Variants in DUSP10 observed in about 807,000 individuals in gnomAD.
DUSP10 encodes dual specificity protein phosphatase 10.
Under a neutral mutation model 30.8 loss-of-function variants are expected in DUSP10, and 14 were observed. The ratio of observed to expected loss-of-function variants is 0.46; its 90% CI spans 0.30 to 0.71. The LOEUF (loss-of-function observed/expected upper bound fraction) is 0.71, where lower values mean the gene tolerates loss of function less well. Among genes scored for constraint, DUSP10 ranks in the 30% least tolerant of loss-of-function variants. DUSP10 has a pLI of 0.08. For synonymous variants in DUSP10, 254 were observed against 250.4 expected (o/e 1.01, Z -0.14); for missense variants, 550 against 619.4 (o/e 0.89, Z 1.19).
intron 2 of DUSP10, among the ~76,000 whole-genome samples, chr1:221,730,668 G>A (rs1661562220): frequency 6.6e-6 from 1 of 152,138 alleles, no homozygotes; most frequent in Admixed American, 6.5e-5. Flanking sequence ...ATAGGTAAGA[G>A]CCTTTATCTT....
intron 2 of DUSP10, among the ~76,000 whole-genome samples, chr1:221,723,386 C>T (rs540693464): frequency 1.3e-5 from 2 of 152,336 alleles, no homozygotes; most frequent in East Asian, 1.9e-4. Flanking sequence ...CTAATACATA[C>T]ATCCAAATAA....
At chr1:221,737,124 C>G (rs1661798895) in intron 2 of DUSP10, 1 of 985,338 alleles carries the variant, frequency 1.0e-6, no homozygotes, top group Non-Finnish European at 1.2e-6. Context: ...ATCCACAACT[C>G]CACCCACTGC....
At chr1:221,726,255 T>C (rs572394013) in intron 2 of DUSP10, among the ~76,000 whole-genome samples, 76 of 151,916 alleles carry the variant, frequency 5.0e-4, no homozygotes, top group African/African-American at 1.6e-3. Flanking sequence ...AAATGGGGAG[T>C]GCAGTTGGGT....
Position 221,706,148 on chromosome 1 carries a change from T to G in DUSP10, c.1130A>C (p.Asp377Ala). ...CTGCCGCAGGTTCTGCTTGTTGCTG[T>G]CAGTGGCTGGCAGCCGCTTGTAGTT... The part of the protein sequence containing the change: ...LFNYKRLPAT[D>A]SNKQNLRQYF... Residue 377 changes from aspartate (D) to alanine (A), a missense_variant, in exon 3 of 4, where the codon GAC becomes GCC. Coordinates refer to ENST00000366899, the MANE Select transcript of DUSP10 (RefSeq NM_007207.6). The surrounding 1 kb of genome is among the most constrained non-coding windows in gnomAD (Gnocchi z 4.6). The G allele has an allele frequency of 6.2e-7, 1 of 1,614,152 alleles. No homozygotes were observed. The highest frequency in any genetic ancestry group is 8.5e-7 in the Non-Finnish European group (1 of 1,180,012).
At chr1:221,722,982 G>T (rs1294065961) in intron 2 of DUSP10, among the ~76,000 whole-genome samples, 5 of 152,132 alleles carry the variant, frequency 3.3e-5, no homozygotes, top group Non-Finnish European at 7.4e-5. Flanking sequence ...TTCCAGACAA[G>T]GCAAATGATT....
At chr1:221,727,556 C>A (rs1053553748) in intron 2 of DUSP10, among the ~76,000 whole-genome samples, 4 of 152,194 alleles carry the variant, frequency 2.6e-5, no homozygotes, top group Non-Finnish European at 5.9e-5. Flanking sequence ...TCTTTCCTTT[C>A]TAATTCAACA....
At chr1:221,740,184 G>C (rs1661908233) in intron 1 of DUSP10, among the ~76,000 whole-genome samples, 1 of 152,196 alleles carries the variant, frequency 6.6e-6, no homozygotes, top group Admixed American at 6.5e-5. Context: ...AAACATCTGA[G>C]AAAGACCCAT....
At chr1:221,728,775 C>T (rs933696193) in intron 2 of DUSP10, among the ~76,000 whole-genome samples, 6 of 152,190 alleles carry the variant, frequency 3.9e-5, no homozygotes, top group Non-Finnish European at 7.4e-5. Context: ...TCATACTCGT[C>T]ACAGATTCTT....
chr1:221,740,430 A>G (rs1010677496), intron 1 of DUSP10, among the ~76,000 whole-genome samples: 1 of 152,156 alleles, frequency 6.6e-6, no homozygotes, highest in African/African-American at 2.4e-5. Flanking sequence ...AAAACCTCAC[A>G]TGTTGTCTTT....
chr1:221,740,014 G>C (rs1305539779), intron 1 of DUSP10, among the ~76,000 whole-genome samples: 2 of 152,208 alleles, frequency 1.3e-5, no homozygotes, highest in African/African-American at 4.8e-5. Flanking sequence ...AAATTTGGAT[G>C]TAATGTTGTA....
chr1:221,705,111 G>GTTTT (rs34627895), intron 3 of DUSP10, among the ~76,000 whole-genome samples: 1 of 142,000 alleles, frequency 7.0e-6, no homozygotes. Flanking sequence ...TATTTTGAGT[G>GTTTT]TTTTTTTTTT....
intron 2 of DUSP10, among the ~76,000 whole-genome samples, chr1:221,726,756 T>G (rs1046216113): frequency 1.3e-5 from 2 of 149,284 alleles, no homozygotes; most frequent in African/African-American, 4.9e-5. Flanking sequence ...AAAGAAACAC[T>G]GGGTTTTTCC....
intron 2 of DUSP10, among the ~76,000 whole-genome samples, chr1:221,709,522 A>G (rs1205418052): frequency 6.6e-6 from 1 of 152,178 alleles, no homozygotes; most frequent in Non-Finnish European, 1.5e-5. Context: ...AAGGTAAACA[A>G]GGAAATTCTC....
chr1:221,739,808 G>GA (rs1661897187), intron 1 of DUSP10, 21 bp from the exon 2 acceptor site: 2 of 1,502,706 alleles, frequency 1.3e-6, no homozygotes, highest in Non-Finnish European at 1.8e-6. Context: ...GGGGAAGGGG[G>GA]AAAGAAAGAA....
At position 221,706,308 on chromosome 1, in the gene DUSP10, G is replaced by A. The variant is rs148182844; in HGVS notation, c.970C>T (p.Pro324Ser). Residue 324 changes from proline (P) to serine (S), a missense_variant, in exon 3 of 4, where the codon CCC (proline) becomes TCC (serine). Transcript: ENST00000366899. This position sits in a 1 kb window ranked among gnomAD's most constrained non-coding sequence, Gnocchi z 4.6. ...TPDIENAELT[P>S]ILPFLFLGNE... Reference sequence around the variant, plus strand: ...CCAAGGAACAGGAAGGGCAAGATGGGGGTGAGCTCAGCGTTCTCGATGTCA... The same window carrying A: ...CCAAGGAACAGGAAGGGCAAGATGGAGGTGAGCTCAGCGTTCTCGATGTCA... The A allele has an allele frequency of 1.2e-6, 2 of 1,614,162 alleles. No individual in the cohort carries two copies. The highest frequency in any genetic ancestry group is 1.7e-6 in the Non-Finnish European group (2 of 1,179,992).
At chr1:221,735,547 A>G (rs987066955) in intron 2 of DUSP10, among the ~76,000 whole-genome samples, 2 of 152,242 alleles carry the variant, frequency 1.3e-5, no homozygotes, top group African/African-American at 4.8e-5. Context: ...CATTATCTAT[A>G]TTTTTAAATA....
At chr1:221,718,329 C>T (rs1571817938) in intron 2 of DUSP10, among the ~76,000 whole-genome samples, 1 of 152,234 alleles carries the variant, frequency 6.6e-6, no homozygotes, top group South Asian at 2.1e-4. Context: ...TCCTTCTGGG[C>T]GGAAGAATAT....
At chr1:221,713,547 T>A (rs2102624025) in intron 2 of DUSP10, among the ~76,000 whole-genome samples, 1 of 152,314 alleles carries the variant, frequency 6.6e-6, no homozygotes, top group African/African-American at 2.4e-5. Context: ...CATACCTCAA[T>A]TTCCTCAATA....
rs768857289 is a variant in DUSP10, at chr1:221,739,541, G to A, written c.204C>T (p.Ala68=). The change falls in exon 2 of 4, where the codon GCC becomes GCT. Residue 68 remains alanine, a synonymous_variant. Coordinates refer to ENST00000366899, the MANE Select transcript of DUSP10 (RefSeq NM_007207.6). ...TGCTGCATCCACAATTCAGCGAGCG[G>A]GCAGAGCCGCTGGATGAGGGCATAT... ...LTYMPSSSGS[A]RSLNCGCSSA... is the part of the protein sequence containing the mutation. 1.2e-6 allele frequency: 2 copies of A among 1,614,208 alleles called. No individual in the cohort carries two copies. Among genetic ancestry groups the A allele is most frequent in the Admixed American group, 3.3e-5 (2 of 60,022 alleles).
Sources: gnomAD v4.1 joint callset for allele counts (sites outside exome capture counted in the v4.1 genomes callset) on GRCh38, gnomAD v4.1.1 for gene constraint, Gnocchi (gnomAD v3.1) non-coding constraint, MANE v1.5 for transcripts, NCBI Gene and HGNC (gene_info 2026-07-23, HGNC 2026-07-21) for gene names.